NDUFAF7: variants seen among roughly 807,000 people sequenced by gnomAD.
NDUFAF7 encodes the protein protein arginine methyltransferase NDUFAF7, mitochondrial.
NDUFAF7 carries 48 observed loss-of-function variants against 47.2 expected under a neutral mutation model. The ratio of observed to expected loss-of-function variants is 1.02; its 90% confidence interval spans 0.81 to 1.29. NDUFAF7 has a LOEUF of 1.29. NDUFAF7 is among the 50% of genes most tolerant of loss of function. NDUFAF7 has a pLI of 0.00. For missense variants in NDUFAF7, 635 were observed against 537.6 expected (o/e 1.18, Z -1.79); for synonymous variants, 217 against 190.0 (o/e 1.14, Z -1.17).
At chr2:37,232,362 T>TG in intron 2 of NDUFAF7, 96 bp downstream of exon 2, 1 of 1,491,704 alleles carries the variant, frequency 6.7e-7, no homozygotes, top group South Asian at 1.1e-5. Context: ...GCCCAGGCAG[T>TG]GGGGGTGCCT....
the NDUFAF7 span, among the ~76,000 whole-genome samples, chr2:37,262,311 T>C: frequency 3.9e-5 from 6 of 152,324 alleles, no homozygotes; most frequent in African/African-American, 7.2e-5. Flanking sequence ...TTCCACTGTA[T>C]TGTAATAATG....
intron 7 of NDUFAF7, 61 bp downstream of exon 7, chr2:37,244,034 C>G (rs750886756): frequency 7.4e-7 from 1 of 1,353,952 alleles, no homozygotes; most frequent in Non-Finnish European, 1.0e-6. Flanking sequence ...GTCTTATTTT[C>G]TGAGTTACTA....
chr2:37,247,198 C>T lies in NDUFAF7; in HGVS notation c.937-258C>T, dbSNP rs75869583. 0.027 allele frequency: 13,535 copies of T among 502,224 alleles called. 272 individuals are homozygous for T. The highest frequency in any genetic ancestry group is 0.034 in the Middle Eastern group (109 of 3,232). 31.1% of individuals were successfully genotyped at this position (502,224 alleles called of 1,614,324 possible). A position where few individuals can be genotyped will look rare whatever the true frequency, so the allele number is the denominator to read the frequency against. On this transcript the variant is annotated intron_variant, in intron 8 of 9. Coordinates refer to ENST00000002125, the MANE Select transcript of NDUFAF7 (RefSeq NM_144736.5). ...GGATAATGGCCTCCAGCTATGTCTA[C>T]GTTGCTGAAAAGGACGTGATTTCAT...
downstream of NDUFAF7, among the ~76,000 whole-genome samples, chr2:37,257,387 C>G (rs1023560520): frequency 2.0e-5 from 3 of 152,026 alleles, no homozygotes; most frequent in Admixed American, 6.6e-5. Context: ...CAGTATTAGC[C>G]AGGTGTGGTG....
chr2:37,247,663 CT>C (rs766935795), intron 9 of NDUFAF7, 34 bp downstream of exon 9: 1 of 1,608,460 alleles, frequency 6.2e-7, no homozygotes, highest in Non-Finnish European at 8.5e-7. Flanking sequence ...TTATTAAGTA[CT>C]TTCATAGTAT....
the NDUFAF7 span, among the ~76,000 whole-genome samples, chr2:37,264,552 G>C: frequency 0.012 from 1,821 of 152,124 alleles, 18 homozygotes; most frequent in Middle Eastern, 0.088. Flanking sequence ...ATGCTGAATA[G>C]AATGTGGAGG....
At chr2:37,250,867 TAAAGAC>T (rs1054743548), downstream of NDUFAF7, 1 of 152,620 alleles carries the variant, frequency 6.6e-6, no homozygotes, top group Non-Finnish European at 1.5e-5. Context: ...AAACACGACT[TAAAGAC>T]AAAAAGTTAT....
At chr2:37,256,822 T>G (rs371696914), downstream of NDUFAF7, 2 of 1,613,948 alleles carry the variant, frequency 1.2e-6, no homozygotes, top group Non-Finnish European at 8.5e-7. Flanking sequence ...GGTTGTAACC[T>G]TTGCTCCGGA....
chr2:37,246,452 G>GATTTAT (rs1228512566), intron 8 of NDUFAF7, among the ~76,000 whole-genome samples: 4 of 152,112 alleles, frequency 2.6e-5, no homozygotes, highest in Non-Finnish European at 4.4e-5. Context: ...TATAAATCCA[G>GATTTAT]ATAAGCAGCT....
chr2:37,236,652 T>G (rs573479310), intron 3 of NDUFAF7, among the ~76,000 whole-genome samples: 35 of 150,310 alleles, frequency 2.3e-4, no homozygotes, highest in Non-Finnish European at 4.9e-4. Context: ...GTGGTGGCGG[T>G]CGCCTGTAGT....
the NDUFAF7 span, chr2:37,259,497 A>G: frequency 4.1e-6 from 4 of 985,420 alleles, no homozygotes; most frequent in South Asian, 6.8e-5. Flanking sequence ...TTTTTAACCA[A>G]CAGTACTTAG....
At chr2:37,260,261 G>T in the NDUFAF7 span, 1 of 1,611,292 alleles carries the variant, frequency 6.2e-7, no homozygotes, top group Non-Finnish European at 8.5e-7. Context: ...TCTGGAAGCC[G>T]ACTTTTCTCA....
In NDUFAF7 at chr2:37,241,599, G is replaced by C. The variant is rs1317943401; in HGVS notation, c.430G>C (p.Val144Leu). Residue 144 changes from valine (V) to leucine (L), a missense_variant, in exon 5 of 10, where the codon GTG becomes CTG. Val to Leu is a conservative substitution (Grantham distance 32, BLOSUM62 1). Coordinates refer to ENST00000002125, the MANE Select transcript of NDUFAF7 (RefSeq NM_144736.5). ...ILRVFTQLGS[V>L]LKNCDISVHL... ...TTAGGTGTTCACTCAACTTGGATCTGTGCTGAAAAATTGTGACATTTCAGT... is the reference window on the plus strand; with the variant it reads ...TTAGGTGTTCACTCAACTTGGATCTCTGCTGAAAAATTGTGACATTTCAGT... 2 of 1,613,418 alleles carry C rather than the reference G, an allele frequency of 1.2e-6. No individual in the cohort carries two copies. Among genetic ancestry groups the C allele is most frequent in the Admixed American group, 3.3e-5 (2 of 59,940 alleles).
the NDUFAF7 span, among the ~76,000 whole-genome samples, chr2:37,270,978 C>T: frequency 4.6e-5 from 7 of 152,256 alleles, no homozygotes; most frequent in Admixed American, 1.3e-4. Context: ...TGATATTCCT[C>T]CTTATCTCCC....
downstream of NDUFAF7, chr2:37,254,168 T>G: frequency 2.0e-6 from 3 of 1,481,920 alleles, no homozygotes; most frequent in East Asian, 2.3e-5. Flanking sequence ...ACTACTCAAA[T>G]GAGGATTGCC....
At position 37,231,793 on chromosome 2, in the gene NDUFAF7, G is replaced by A. The variant is rs747021633; in HGVS notation, c.55+33G>A. On this transcript the variant is annotated intron_variant, in intron 1 of 9. Coordinates refer to ENST00000002125, the MANE Select transcript of NDUFAF7 (RefSeq NM_144736.5). ...TCAGTCCCCTCGAAGCCCGGTTGCC[G>A]TGGAAGCCGCGTGGGGCGCCTTCCT... 2.5e-6 allele frequency: 4 copies of A among 1,613,592 alleles called. No homozygotes were observed. The South Asian group carries it at 3.3e-5, about 13-fold the overall frequency.
the NDUFAF7 span, among the ~76,000 whole-genome samples, chr2:37,258,745 G>C: frequency 6.6e-6 from 1 of 152,136 alleles, no homozygotes; most frequent in Non-Finnish European, 1.5e-5. Context: ...TACTTTAAAA[G>C]CTGAACGATT....
chr2:37,259,943 T>A, the NDUFAF7 span, among the ~76,000 whole-genome samples: 1 of 152,136 alleles, frequency 6.6e-6, no homozygotes, highest in African/African-American at 2.4e-5. Context: ...GGCAGGTGGA[T>A]CACTTGAGGC....
At chr2:37,266,462 A>G in the NDUFAF7 span, among the ~76,000 whole-genome samples, 1 of 149,050 alleles carries the variant, frequency 6.7e-6, no homozygotes, top group East Asian at 2.0e-4. Context: ...AGTAGCTTAG[A>G]TTACAGGCAT....
Sources: allele counts gnomAD v4.1 joint callset (sites outside exome capture counted in the v4.1 genomes callset), GRCh38; gene constraint gnomAD v4.1.1; transcripts MANE v1.5; gene names NCBI Gene and HGNC (gene_info 2026-07-23, HGNC 2026-07-21).